Variants in TCERG1L observed in about 807,000 individuals in gnomAD.
TCERG1L encodes transcription elongation regulator 1-like protein.
Under a neutral mutation model 56.3 loss-of-function variants are expected in TCERG1L, and 37 were observed. That is an observed-to-expected ratio of 0.66 (90% CI 0.51 to 0.87). The LOEUF (loss-of-function observed/expected upper bound fraction) is 0.87, where lower values mean the gene tolerates loss of function less well. TCERG1L is among the 40% of genes least tolerant of loss of function. TCERG1L has a pLI of 0.00. For synonymous variants in TCERG1L, 324 were observed against 326.3 expected (o/e 0.99, Z 0.08); for missense variants, 799 against 774.2 (o/e 1.03, Z -0.38).
At chr10:131,224,377 C>A (rs1034002553) in intron 4 of TCERG1L, among the ~76,000 whole-genome samples, 2 of 151,852 alleles carry the variant, frequency 1.3e-5, no homozygotes, top group Admixed American at 1.3e-4. Context: ...TGCACTCTGG[C>A]CTCTTGAGTC....
intron 4 of TCERG1L, among the ~76,000 whole-genome samples, chr10:131,247,076 G>C (rs757200084): frequency 7.2e-6 from 1 of 137,984 alleles, no homozygotes; most frequent in Non-Finnish European, 1.6e-5. Context: ...GAGTATGCCA[G>C]CTCGTTCAGC....
chr10:131,155,864 A>G (rs1205313317), intron 6 of TCERG1L, among the ~76,000 whole-genome samples: 2 of 151,722 alleles, frequency 1.3e-5, no homozygotes, highest in Admixed American at 1.3e-4. Context: ...TTCCCCGCCA[A>G]CTCCTCCTCC....
intron 3 of TCERG1L, among the ~76,000 whole-genome samples, chr10:131,263,644 C>T (rs1289620712): frequency 2.0e-5 from 3 of 152,328 alleles, no homozygotes; most frequent in Middle Eastern, 3.4e-3. Flanking sequence ...TGATAGATAA[C>T]GACGACATAA....
chr10:131,233,482 A>ACC (rs1274676784), intron 4 of TCERG1L, among the ~76,000 whole-genome samples: 1 of 151,002 alleles, frequency 6.6e-6, no homozygotes. Context: ...ACAGACACGC[A>ACC]CACACGCTCA....
intron 7 of TCERG1L, among the ~76,000 whole-genome samples, chr10:131,140,902 C>T (rs1029364501): frequency 2.0e-5 from 3 of 152,162 alleles, no homozygotes; most frequent in Non-Finnish European, 4.4e-5. Flanking sequence ...TGTGCAGGGG[C>T]CGGGTTTGAT....
intron 6 of TCERG1L, among the ~76,000 whole-genome samples, chr10:131,157,919 C>A (rs895972756): frequency 1.3e-5 from 2 of 152,244 alleles, no homozygotes; most frequent in Non-Finnish European, 2.9e-5. Flanking sequence ...AACTTCGACA[C>A]CATTTTCAAT....
chr10:131,224,972 G>A (rs12416175), intron 4 of TCERG1L, among the ~76,000 whole-genome samples: 7,309 of 152,208 alleles, frequency 0.048, 403 homozygotes, highest in East Asian at 0.24. Context: ...CCATCGGCCC[G>A]CAGTGTGGAC....
intron 4 of TCERG1L, among the ~76,000 whole-genome samples, chr10:131,246,790 G>A (rs1040554413): frequency 5.9e-5 from 9 of 152,190 alleles, no homozygotes; most frequent in African/African-American, 1.4e-4. Flanking sequence ...GAAGTGAGAC[G>A]GCCTCCCAGC....
At chr10:131,154,363 C>G (rs1845897072) in intron 6 of TCERG1L, among the ~76,000 whole-genome samples, 1 of 152,180 alleles carries the variant, frequency 6.6e-6, no homozygotes, top group Non-Finnish European at 1.5e-5. Context: ...AGGGAATGCT[C>G]CCCTCCCAGT....
chr10:131,236,180 A>G (rs924897187), intron 4 of TCERG1L, among the ~76,000 whole-genome samples: 1 of 152,192 alleles, frequency 6.6e-6, no homozygotes, highest in Non-Finnish European at 1.5e-5. Context: ...CGATCTTGTT[A>G]TCCCAGTGGG....
chr10:131,112,341 C>T lies in TCERG1L; in HGVS notation c.1395+4458G>A, dbSNP rs1216446443. ...TGCAGCCCACCCGGCCCCTCCTGGG[C>T]CCAGATGCCCCAACCTACCCCCAGC... On this transcript the variant is annotated intron_variant, in intron 9 of 11. Transcript: ENST00000368642. 4.2e-5 allele frequency among the ~76,000 whole-genome samples: 6 copies of T among 142,646 alleles called. 1 individual carries two copies. The highest frequency in any genetic ancestry group is 4.1e-4 in the Admixed American group (6 of 14,530). The allele number at this position is 142,646 out of a possible 152,430, so 93.6% of individuals were successfully genotyped here.
intron 7 of TCERG1L, among the ~76,000 whole-genome samples, chr10:131,142,994 G>C (rs1319641994): frequency 2.6e-5 from 4 of 151,422 alleles, no homozygotes; most frequent in Non-Finnish European, 5.9e-5. Context: ...AGAGAGAAGA[G>C]AGAGAGGCAA....
intron 8 of TCERG1L, among the ~76,000 whole-genome samples, chr10:131,128,912 T>C (rs896118105): frequency 1.3e-5 from 2 of 152,066 alleles, no homozygotes; most frequent in African/African-American, 4.8e-5. Context: ...CTGATAAAGC[T>C]CGGCTCTGAC....
chr10:131,151,266 T>A (rs1164674473), intron 6 of TCERG1L, among the ~76,000 whole-genome samples: 1 of 152,198 alleles, frequency 6.6e-6, no homozygotes, highest in East Asian at 1.9e-4. Flanking sequence ...ACAAAGCATG[T>A]CCCTTCCACC....
At chr10:131,106,942 A>G (rs1845357815) in intron 9 of TCERG1L, among the ~76,000 whole-genome samples, 1 of 152,190 alleles carries the variant, frequency 6.6e-6, no homozygotes, top group Non-Finnish European at 1.5e-5. Context: ...GGGTCCAGCT[A>G]GGATTCTCCT....
chr10:131,289,566 G>T (rs1443677324), intron 3 of TCERG1L, among the ~76,000 whole-genome samples: 2 of 62,314 alleles, frequency 3.2e-5, no homozygotes, highest in South Asian at 6.0e-4. Flanking sequence ...TGTGTGAGCA[G>T]GTGTGCACTG....
chr10:131,243,572 A>T (rs1845996495), intron 4 of TCERG1L, among the ~76,000 whole-genome samples: 1 of 152,204 alleles, frequency 6.6e-6, no homozygotes. Context: ...ACTCTGTCTC[A>T]AAAACGAACA....
At chr10:131,204,404 C>T (rs187469691) in intron 4 of TCERG1L, among the ~76,000 whole-genome samples, 1 of 151,194 alleles carries the variant, frequency 6.6e-6, no homozygotes, top group African/African-American at 2.4e-5. Flanking sequence ...CCTGCCCCCC[C>T]ACCCTGCCCC....
rs374308508 is a variant in TCERG1L at position 131,172,648 on chromosome 10, G to A, written c.857-5763C>T. On this transcript the variant is annotated intron_variant, in intron 4 of 11. Coordinates refer to ENST00000368642, the MANE Select transcript of TCERG1L (RefSeq NM_174937.4). ...AGCAGACCCTGAGACCAGCTCACGCGAGCCTTGCTTGGTTGGACATGCACG... is the reference window on the plus strand; with the variant it reads ...AGCAGACCCTGAGACCAGCTCACGCAAGCCTTGCTTGGTTGGACATGCACG... 3.0e-4 allele frequency among the ~76,000 whole-genome samples: 46 copies of A among 152,336 alleles called. No homozygotes were observed. In the South Asian group the frequency reaches 5.2e-3, roughly 17 times the overall value.
Sources: gnomAD v4.1 joint callset for allele counts (sites outside exome capture counted in the v4.1 genomes callset) on GRCh38, gnomAD v4.1.1 for gene constraint, MANE v1.5 for transcripts, NCBI Gene and HGNC (gene_info 2026-07-23, HGNC 2026-07-21) for gene names.